The following ABCG2 variants were observed in gnomAD, a reference collection of about 807,000 sequenced individuals.
The protein encoded by ABCG2 is ATP binding cassette subfamily G member 2 (JR blood group), also known as broad substrate specificity ATP-binding cassette transporter ABCG2.
In ABCG2, 80 loss-of-function variants were observed where a neutral mutation model predicts 73.5. The ratio of observed to expected loss-of-function variants is 1.09; its 90% CI spans 0.91 to 1.31. The LOEUF (loss-of-function observed/expected upper bound fraction) is 1.31. ABCG2 is among the 50% of genes most tolerant of loss of function. The pLI, the probability that ABCG2 is intolerant of heterozygous loss-of-function variation, is 0.00. For missense variants in ABCG2, 796 were observed against 786.2 expected, an observed-to-expected ratio of 1.01 and a Z score of -0.15; for synonymous variants, 269 against 282.4, an observed-to-expected ratio of 0.95 and a Z score of 0.48.
At chr4:88,190,537 C>T (rs1728645411) in intron 1 of ABCG2, among the ~76,000 whole-genome samples, 1 of 152,198 alleles carries the variant, frequency 6.6e-6, no homozygotes, top group Non-Finnish European at 1.5e-5. Context: ...AGTTACTCAG[C>T]TTGCTGAATT....
intron 1 of ABCG2, among the ~76,000 whole-genome samples, chr4:88,146,920 A>G (rs974865933): frequency 8.0e-5 from 11 of 137,472 alleles, no homozygotes; most frequent in Non-Finnish European, 1.4e-4. Flanking sequence ...GGAAGGAAGG[A>G]AGGAAGAAGG....
At chr4:88,173,895 A>G (rs35839768) in intron 1 of ABCG2, among the ~76,000 whole-genome samples, 36,137 of 152,124 alleles carry the variant, frequency 0.24, 5,674 homozygotes, top group African/African-American at 0.45. Flanking sequence ...TAAATTTTCA[A>G]ATCAAAATCC....
intron 1 of ABCG2, among the ~76,000 whole-genome samples, chr4:88,171,274 T>TAAAAAA (rs11331423): frequency 7.7e-6 from 1 of 129,428 alleles, no homozygotes; most frequent in Non-Finnish European, 1.6e-5. Context: ...AAGTAAAAGT[T>TAAAAAA]AAAAAAAAAA....
intron 1 of ABCG2, among the ~76,000 whole-genome samples, chr4:88,183,876 G>C (rs1052929170): frequency 1.3e-5 from 2 of 151,908 alleles, no homozygotes; most frequent in Non-Finnish European, 2.9e-5. Flanking sequence ...GACCAAATAG[G>C]GTTTATCCCA....
In ABCG2 at chr4:88,121,760, T is replaced by G. The variant is rs3116439; in HGVS notation, c.564A>C (p.Gly188=). The change falls in exon 6 of 16, where the codon GGA becomes GGC. Residue 188 remains glycine, a synonymous_variant. Transcript: ENST00000237612. ...CTATACTAGTCCTTTTTCTTTCTCC[T>G]CCAGACACACCACGGATAAACTGAG... ...VGTQFIRGVS[G]GERKRTSIGM... is the part of the protein sequence containing the mutation. 2.5e-6 allele frequency: 4 copies of G among 1,613,844 alleles called. No homozygotes were observed. Among genetic ancestry groups the G allele is most frequent in the Non-Finnish European group, 3.4e-6 (4 of 1,179,896 alleles).
intron 12 of ABCG2, among the ~76,000 whole-genome samples, chr4:88,098,400 A>G (rs907905837): frequency 2.0e-5 from 3 of 151,964 alleles, no homozygotes; most frequent in Non-Finnish European, 4.4e-5. Context: ...GTGAAGCCTG[A>G]GCATAATGCA....
rs368432260 is a variant in ABCG2, at chr4:88,195,731, C to T, written c.-20+35263G>A. Among the ~76,000 whole-genome samples, 125 of 152,266 alleles carry T rather than the reference C, an allele frequency of 8.2e-4. 7 individuals are homozygous for T. In the South Asian group the frequency reaches 0.023, roughly 28 times the overall value. ...GTGGTTTTATACACTGGCATACTTC[C>T]GGGGTCTTATGTCCCTTCTCCCCTG... is the stretch of plus-strand genomic sequence containing the variant. On this transcript the variant is annotated intron_variant, in intron 1 of 15. Transcript: ENST00000515655.
At chr4:88,216,774 A>T (rs895964678) in intron 1 of ABCG2, among the ~76,000 whole-genome samples, 1 of 152,182 alleles carries the variant, frequency 6.6e-6, no homozygotes, top group African/African-American at 2.4e-5. Flanking sequence ...TCACACCTGT[A>T]ATTCCAGCAC....
intron 1 of ABCG2, among the ~76,000 whole-genome samples, chr4:88,168,675 A>C (rs1426444561): frequency 6.6e-6 from 1 of 152,178 alleles, no homozygotes; most frequent in Admixed American, 6.5e-5. Context: ...GAATTCACCA[A>C]ACTACATTTC....
intron 1 of ABCG2, among the ~76,000 whole-genome samples, chr4:88,187,788 C>G (rs2110105049): frequency 6.6e-6 from 1 of 152,226 alleles, no homozygotes; most frequent in Non-Finnish European, 1.5e-5. Context: ...GCTAATTTAA[C>G]AATTTGTACT....
At chr4:88,148,604 T>G (rs995182398) in intron 1 of ABCG2, among the ~76,000 whole-genome samples, 3 of 152,170 alleles carry the variant, frequency 2.0e-5, no homozygotes, top group African/African-American at 7.2e-5. Flanking sequence ...CAGCAAGGTA[T>G]CTATAGGAAA....
chr4:88,219,360 C>T (rs1355482654), intron 1 of ABCG2, among the ~76,000 whole-genome samples: 1 of 152,008 alleles, frequency 6.6e-6, no homozygotes, highest in Non-Finnish European at 1.5e-5. Flanking sequence ...ATGGAGAAGA[C>T]AGATGATAGC....
At chr4:88,151,268 G>T (rs1211591126) in intron 1 of ABCG2, among the ~76,000 whole-genome samples, 1 of 152,128 alleles carries the variant, frequency 6.6e-6, no homozygotes, top group African/African-American at 2.4e-5. Context: ...GGGATCCTAA[G>T]TCCCCAGGGG....
chr4:88,219,432 A>G (rs1267539708), intron 1 of ABCG2, among the ~76,000 whole-genome samples: 2 of 152,196 alleles, frequency 1.3e-5, no homozygotes, highest in African/African-American at 4.8e-5. Flanking sequence ...ATAGAGCAAT[A>G]GGAGAGGCTT....
In ABCG2 at chr4:88,115,706, T is replaced by TA. The variant is rs1294789528; in HGVS notation, c.842-649dup. The stretch of plus-strand genomic sequence containing the variant: ...GCATTTTGCATTAGTGCTTGGTCCT[T>TA]ACCTATCATAATTCATGAGACCTGA... On this transcript the variant is annotated intron_variant, in intron 7 of 15. Coordinates refer to ENST00000237612, the MANE Select transcript of ABCG2 (RefSeq NM_004827.3). 3.9e-5 allele frequency among the ~76,000 whole-genome samples: 6 copies of TA among 152,160 alleles called. No homozygotes were observed. The East Asian group carries it at 1.2e-3, about 29-fold the overall frequency.
intron 1 of ABCG2, among the ~76,000 whole-genome samples, chr4:88,186,089 T>A (rs1473265820): frequency 3.9e-5 from 6 of 152,168 alleles, no homozygotes. Flanking sequence ...CTATTCAGAA[T>A]AACCAAGATT....
intron 1 of ABCG2, among the ~76,000 whole-genome samples, chr4:88,173,705 T>A (rs1165899092): frequency 1.3e-5 from 2 of 152,072 alleles, no homozygotes; most frequent in East Asian, 3.8e-4. Flanking sequence ...TGTTCAAATA[T>A]CTCTAATTTT....
At chr4:88,103,411 T>C (rs1722574693) in intron 10 of ABCG2, among the ~76,000 whole-genome samples, 1 of 152,204 alleles carries the variant, frequency 6.6e-6, no homozygotes, top group Non-Finnish European at 1.5e-5. Flanking sequence ...TTATATCTAC[T>C]TATTGGTCTG....
intron 9 of ABCG2, among the ~76,000 whole-genome samples, chr4:88,110,533 ACT>A (rs1398701649): frequency 6.6e-6 from 1 of 151,370 alleles, no homozygotes; most frequent in Non-Finnish European, 1.5e-5. Flanking sequence ...ACAGAGCATG[ACT>A]CTGTCTCAGA....
Sources: gnomAD v4.1 joint callset for allele counts (sites outside exome capture counted in the v4.1 genomes callset) on GRCh38, gnomAD v4.1.1 for gene constraint, MANE v1.5 for transcripts, NCBI Gene and HGNC (gene_info 2026-07-23, HGNC 2026-07-21) for gene names.